Variants in STXBP5L observed in about 807,000 individuals in gnomAD.
STXBP5L encodes syntaxin binding protein 5L, also known as syntaxin-binding protein 5-like.
In STXBP5L, 65 loss-of-function variants were observed where a neutral mutation model predicts 144.5. The observed-to-expected ratio is 0.45, with a 90% CI of 0.37 to 0.55. The LOEUF (loss-of-function observed/expected upper bound fraction) is 0.55, where lower values mean the gene tolerates loss of function less well. Among genes scored for constraint, STXBP5L ranks in the 20% least tolerant of loss-of-function variants. STXBP5L has a pLI of 0.00. For synonymous variants in STXBP5L, 505 were observed against 469.6 expected, an observed-to-expected ratio of 1.08 and a Z score of -0.97; for missense variants, 1,298 against 1,405.5, an observed-to-expected ratio of 0.92 and a Z score of 1.22.
chr3:121,313,046 A>G (rs373257719), intron 19 of STXBP5L, among the ~76,000 whole-genome samples: 50 of 116,698 alleles, frequency 4.3e-4, no homozygotes, highest in East Asian at 1.4e-3. Context: ...GCCGGGCAGA[A>G]GCGCCCCTCA....
intron 5 of STXBP5L, among the ~76,000 whole-genome samples, chr3:121,095,592 T>A (rs760622780): frequency 5.3e-5 from 8 of 152,256 alleles, no homozygotes; most frequent in Non-Finnish European, 1.0e-4. Flanking sequence ...TACTGAAGCT[T>A]GTGCATTCAT....
At chr3:121,058,296 G>GA (rs1277859599) in intron 5 of STXBP5L, among the ~76,000 whole-genome samples, 1 of 152,186 alleles carries the variant, frequency 6.6e-6, no homozygotes, top group Non-Finnish European at 1.5e-5. Flanking sequence ...CCCTGCAAAA[G>GA]ACATGAACTA....
At chr3:121,353,450 A>G (rs573465272) in intron 20 of STXBP5L, among the ~76,000 whole-genome samples, 1 of 152,018 alleles carries the variant, frequency 6.6e-6, no homozygotes, top group South Asian at 2.1e-4. Flanking sequence ...TTTCTTCTAG[A>G]TTTTCTAGTT....
chr3:121,190,954 A>G (rs1418530155), intron 9 of STXBP5L, among the ~76,000 whole-genome samples: 1 of 150,274 alleles, frequency 6.7e-6, no homozygotes, highest in African/African-American at 2.5e-5. Flanking sequence ...GCGGCGGGGC[A>G]GAGGTGCTCC....
rs181639197 is a variant in STXBP5L, at chr3:121,007,607, T to C, written c.288-34093T>C. ...TCAGGAATGAGATATTCAACTCTGT[T>C]AAATCATTACTTGACGCAGCAGGAG... On this transcript the variant is annotated intron_variant, in intron 3 of 26. Coordinates refer to ENST00000471454, the MANE Select transcript of STXBP5L (RefSeq NM_001308330.2). Among the ~76,000 whole-genome samples the C allele has an allele frequency of 2.3e-3, 347 of 152,174 alleles. 1 individual carries two copies. Among genetic ancestry groups the C allele is most frequent in the Middle Eastern group, 0.01 (3 of 294 alleles).
intron 8 of STXBP5L, among the ~76,000 whole-genome samples, chr3:121,156,357 A>G (rs1274515407): frequency 6.6e-6 from 1 of 152,002 alleles, no homozygotes; most frequent in Non-Finnish European, 1.5e-5. Flanking sequence ...AAATATGATT[A>G]GTATTCACTT....
At chr3:121,218,038 T>A (rs2048841859) in intron 10 of STXBP5L, among the ~76,000 whole-genome samples, 1 of 143,834 alleles carries the variant, frequency 7.0e-6, no homozygotes, top group Admixed American at 7.2e-5. Flanking sequence ...ATATACTATA[T>A]AATATACTAT....
intron 3 of STXBP5L, among the ~76,000 whole-genome samples, chr3:121,016,158 C>T (rs2108173171): frequency 6.6e-6 from 1 of 152,260 alleles, no homozygotes; most frequent in African/African-American, 2.4e-5. Context: ...ACCTCAGTTC[C>T]TATTAATCAA....
In STXBP5L at chr3:121,252,853, T is replaced by C. The variant is rs143442716; in HGVS notation, c.1442-2042T>C. On this transcript the variant is annotated intron_variant, in intron 15 of 26. Transcript: ENST00000471454. ...CTGTAATCAAGGTGTTGGCTGGGGC[T>C]GAGGTTTCATGAGACTGAAGGTTCT... Among the ~76,000 whole-genome samples the C allele has an allele frequency of 3.0e-3, 463 of 152,286 alleles. 3 individuals carry two copies. The highest frequency in any genetic ancestry group is 0.01 in the African/African-American group (432 of 41,564).
chr3:121,086,885 T>A (rs1208935663), intron 5 of STXBP5L, among the ~76,000 whole-genome samples: 1 of 152,070 alleles, frequency 6.6e-6, no homozygotes, highest in Non-Finnish European at 1.5e-5. Flanking sequence ...GTTTGCACTA[T>A]GATAAAATCA....
intron 19 of STXBP5L, among the ~76,000 whole-genome samples, chr3:121,293,090 T>C (rs1253012025): frequency 6.6e-6 from 1 of 152,188 alleles, no homozygotes; most frequent in Non-Finnish European, 1.5e-5. Flanking sequence ...AGTAAATGGA[T>C]AAACAAATTC....
intron 20 of STXBP5L, among the ~76,000 whole-genome samples, chr3:121,333,794 G>T (rs1340445512): frequency 2.0e-5 from 3 of 152,040 alleles, no homozygotes; most frequent in Non-Finnish European, 4.4e-5. Flanking sequence ...TAAATTTCTG[G>T]ACACAGACAC....
chr3:121,005,466 C>T (rs914358662), intron 3 of STXBP5L, among the ~76,000 whole-genome samples: 4 of 152,012 alleles, frequency 2.6e-5, no homozygotes, highest in African/African-American at 4.8e-5. Context: ...GTCATGCTAG[C>T]GGTCTATCAA....
intron 3 of STXBP5L, among the ~76,000 whole-genome samples, chr3:121,011,805 T>G (rs1411730862): frequency 2.6e-5 from 4 of 151,892 alleles, no homozygotes; most frequent in Non-Finnish European, 4.4e-5. Context: ...GCTGCTTTAT[T>G]GACACATAAC....
At chr3:121,241,364 AACACACACACATACACACAC>A in intron 14 of STXBP5L, among the ~76,000 whole-genome samples, 1 of 123,298 alleles carries the variant, frequency 8.1e-6, no homozygotes. Context: ...GTTTAACAAC[AACACACACACATACACACAC>A]ACACACACAC....
chr3:120,972,561 T>G (rs1224655975), intron 3 of STXBP5L, among the ~76,000 whole-genome samples: 3 of 152,092 alleles, frequency 2.0e-5, no homozygotes, highest in African/African-American at 7.2e-5. Context: ...TGCCTCTTAT[T>G]TCTTTCTCTC....
At chr3:121,219,101 A>G (rs1409125970) in intron 10 of STXBP5L, among the ~76,000 whole-genome samples, 1 of 152,184 alleles carries the variant, frequency 6.6e-6, no homozygotes, top group Non-Finnish European at 1.5e-5. Context: ...GATGATAATT[A>G]CTGTCATCCC....
chr3:121,027,067 G>T (rs1946000204), intron 3 of STXBP5L, among the ~76,000 whole-genome samples: 1 of 151,884 alleles, frequency 6.6e-6, no homozygotes, highest in East Asian at 1.9e-4. Context: ...TCTTCAAAAT[G>T]AATGTAAGTT....
chr3:120,927,109 G>A (rs1004079530), intron 2 of STXBP5L, among the ~76,000 whole-genome samples: 15 of 151,900 alleles, frequency 9.9e-5, no homozygotes, highest in African/African-American at 2.9e-4. Context: ...CAAATTTTTT[G>A]TATTTTTAGT....
Sources: gnomAD v4.1 joint callset for allele counts (sites outside exome capture counted in the v4.1 genomes callset) on GRCh38, gnomAD v4.1.1 for gene constraint, MANE v1.5 for transcripts, NCBI Gene and HGNC (gene_info 2026-07-23, HGNC 2026-07-21) for gene names.